The following IMMP2L variants were observed in gnomAD, a reference collection of about 807,000 sequenced individuals.
The protein encoded by IMMP2L is mitochondrial inner membrane protease subunit 2.
Under a neutral mutation model 19.3 loss-of-function variants are expected in IMMP2L, and 18 were observed. The ratio of observed to expected loss-of-function variants is 0.93; its 90% CI spans 0.64 to 1.38. IMMP2L has a LOEUF of 1.38. IMMP2L is among the 40% of genes most tolerant of loss of function. IMMP2L has a pLI of 0.00. For synonymous variants in IMMP2L, 76 were observed against 73.0 expected, an observed-to-expected ratio of 1.04 and a Z score of -0.21; for missense variants, 233 against 218.2, an observed-to-expected ratio of 1.07 and a Z score of -0.43.
intron 5 of IMMP2L, among the ~76,000 whole-genome samples, chr7:110,882,299 T>TCCTTCCTG (rs1809733516): frequency 1.0e-5 from 1 of 96,134 alleles, no homozygotes; most frequent in African/African-American, 3.6e-5. Context: ...CTTCCTTCCT[T>TCCTTCCTG]CCTTCCTTCC....
intron 5 of IMMP2L, among the ~76,000 whole-genome samples, chr7:110,828,149 A>G (rs1449857606): frequency 6.6e-6 from 1 of 152,164 alleles, no homozygotes; most frequent in Non-Finnish European, 1.5e-5. Flanking sequence ...TGTAGGCCAG[A>G]TGGTCTCAGA....
chr7:111,342,936 G>A (rs1250610949), intron 3 of IMMP2L, among the ~76,000 whole-genome samples: 1 of 151,904 alleles, frequency 6.6e-6, no homozygotes, highest in Non-Finnish European at 1.5e-5. Flanking sequence ...CCATGTATAT[G>A]CTAAACTCAA....
chr7:110,835,633 T>C (rs1804377925), intron 5 of IMMP2L, among the ~76,000 whole-genome samples: 1 of 138,688 alleles, frequency 7.2e-6, no homozygotes, highest in Admixed American at 7.5e-5. Flanking sequence ...TAGTGTTGTG[T>C]TAAACTCAGT....
intron 3 of IMMP2L, among the ~76,000 whole-genome samples, chr7:111,333,050 A>C (rs1182824149): frequency 2.0e-5 from 3 of 152,212 alleles, no homozygotes; most frequent in African/African-American, 7.2e-5. Flanking sequence ...AGTCAGGGCT[A>C]CAAATAGCCC....
At chr7:111,547,509 C>T (rs1308652014) in intron 1 of IMMP2L, among the ~76,000 whole-genome samples, 2 of 150,122 alleles carry the variant, frequency 1.3e-5, no homozygotes, top group African/African-American at 5.0e-5. Flanking sequence ...TGTCATACCC[C>T]CCCCCCCTTT....
intron 4 of IMMP2L, among the ~76,000 whole-genome samples, chr7:110,895,277 T>TG (rs1374425409): frequency 6.6e-6 from 1 of 152,130 alleles, no homozygotes; most frequent in Admixed American, 6.6e-5. Context: ...GTTCCTCCCA[T>TG]GACATGTGGG....
chr7:111,464,184 C>A (rs1318507854), intron 3 of IMMP2L, among the ~76,000 whole-genome samples: 2 of 152,088 alleles, frequency 1.3e-5, no homozygotes, highest in Non-Finnish European at 2.9e-5. Flanking sequence ...TAATAATATA[C>A]AAGGCCAGGA....
intron 3 of IMMP2L, among the ~76,000 whole-genome samples, chr7:110,972,271 T>C (rs1820217550): frequency 6.6e-6 from 1 of 152,120 alleles, no homozygotes; most frequent in African/African-American, 2.4e-5. Context: ...CAGCCACTCA[T>C]TCAGCTAGCT....
At chr7:110,945,777 T>G (rs1304999771) in intron 4 of IMMP2L, among the ~76,000 whole-genome samples, 1 of 150,594 alleles carries the variant, frequency 6.6e-6, no homozygotes, top group Admixed American at 7.1e-5. Flanking sequence ...AAGAAACAAT[T>G]AGGGTGGAGG....
At chr7:111,238,434 C>T (rs573777670) in intron 3 of IMMP2L, among the ~76,000 whole-genome samples, 3 of 152,040 alleles carry the variant, frequency 2.0e-5, no homozygotes, top group Admixed American at 6.6e-5. Context: ...ACTGACAATA[C>T]GATGTATCAC....
At chr7:110,740,629 T>A (rs1796931585) in intron 5 of IMMP2L, among the ~76,000 whole-genome samples, 1 of 152,100 alleles carries the variant, frequency 6.6e-6, no homozygotes, top group Admixed American at 6.6e-5. Flanking sequence ...CTGAATTCTA[T>A]CAGACATTCA....
chr7:110,923,767 C>G (rs1264989517), intron 4 of IMMP2L, among the ~76,000 whole-genome samples: 6 of 151,964 alleles, frequency 3.9e-5, no homozygotes, highest in Admixed American at 3.3e-4. Context: ...AAAGATCTCA[C>G]TTTTAAATTA....
chr7:110,838,786 G>A (rs970693504), intron 5 of IMMP2L, among the ~76,000 whole-genome samples: 1 of 152,050 alleles, frequency 6.6e-6, no homozygotes, highest in African/African-American at 2.4e-5. Flanking sequence ...CAGGTCCTAA[G>A]ACTTTATTTA....
intron 3 of IMMP2L, among the ~76,000 whole-genome samples, chr7:111,278,337 ATGGTT>A (rs1163217732): frequency 1.3e-5 from 2 of 152,192 alleles, no homozygotes; most frequent in Non-Finnish European, 2.9e-5. Flanking sequence ...ATGAGTAAAC[ATGGTT>A]TGTATGTGCA....
intron 3 of IMMP2L, among the ~76,000 whole-genome samples, chr7:111,065,320 G>A (rs1794392120): frequency 6.6e-6 from 1 of 152,178 alleles, no homozygotes; most frequent in South Asian, 2.1e-4. Context: ...TCCGGTTGTA[G>A]AAAGGATAGC....
At chr7:111,362,683 G>A (rs1829375080) in intron 3 of IMMP2L, among the ~76,000 whole-genome samples, 2 of 152,160 alleles carry the variant, frequency 1.3e-5, no homozygotes, top group South Asian at 4.1e-4. Context: ...AACCATATGA[G>A]TTGCAAAAGG....
intron 5 of IMMP2L, among the ~76,000 whole-genome samples, chr7:110,700,386 T>A (rs1194246755): frequency 8.2e-6 from 1 of 121,228 alleles, no homozygotes; most frequent in Non-Finnish European, 2.0e-5. Flanking sequence ...CTTGCCACCA[T>A]CCCAAACCCG....
chr7:111,153,951 T>A (rs554529713), intron 3 of IMMP2L, among the ~76,000 whole-genome samples: 1 of 152,232 alleles, frequency 6.6e-6, no homozygotes, highest in Admixed American at 6.5e-5. Flanking sequence ...TTATTCAAAT[T>A]CCTTGGACTA....
intron 3 of IMMP2L, among the ~76,000 whole-genome samples, chr7:111,061,249 G>C (rs1793987454): frequency 6.6e-6 from 1 of 152,142 alleles, no homozygotes; most frequent in Admixed American, 6.5e-5. Flanking sequence ...ACATTATTCA[G>C]AGCACAGAGA....
Sources: allele counts gnomAD v4.1 joint callset (sites outside exome capture counted in the v4.1 genomes callset), GRCh38; gene constraint gnomAD v4.1.1; transcripts MANE v1.5; gene names NCBI Gene and HGNC (gene_info 2026-07-23, HGNC 2026-07-21).